The following ARHGEF3 variants were observed in gnomAD, a reference collection of about 807,000 sequenced individuals.
The protein encoded by ARHGEF3 is Rho guanine nucleotide exchange factor 3.
ARHGEF3 carries 28 observed loss-of-function variants against 63.2 expected under a neutral mutation model. The observed-to-expected ratio is 0.44, with a 90% CI of 0.33 to 0.61. ARHGEF3 has a LOEUF of 0.61. ARHGEF3 is among the 20% of genes least tolerant of loss of function. ARHGEF3 has a pLI of 0.03. For synonymous variants in ARHGEF3, 266 were observed against 254.2 expected (o/e 1.05, Z -0.44); for missense variants, 533 against 659.3 (o/e 0.81, Z 2.10).
intron 4 of ARHGEF3, among the ~76,000 whole-genome samples, chr3:56,865,429 C>T (rs1472854603): frequency 6.6e-6 from 1 of 152,140 alleles, no homozygotes; most frequent in Non-Finnish European, 1.5e-5. Flanking sequence ...TATGTGAAGG[C>T]AAAACCACAT....
chr3:56,762,658 A>G (rs1034634310), intron 2 of ARHGEF3, among the ~76,000 whole-genome samples: 6 of 152,216 alleles, frequency 3.9e-5, no homozygotes, highest in African/African-American at 9.6e-5. Flanking sequence ...GCTCCAATAA[A>G]GTATTCAAGC....
chr3:56,759,194 T>G (rs2035273686), intron 2 of ARHGEF3, among the ~76,000 whole-genome samples: 2 of 150,798 alleles, frequency 1.3e-5, no homozygotes, highest in Non-Finnish European at 3.0e-5. Flanking sequence ...TTTTTTTTTT[T>G]TGAGATGGAG....
chr3:56,887,002 A>T (rs896593227), intron 3 of ARHGEF3, among the ~76,000 whole-genome samples: 3 of 152,214 alleles, frequency 2.0e-5, no homozygotes, highest in Non-Finnish European at 4.4e-5. Context: ...ATATGGCAAG[A>T]AAATAACCTT....
chr3:57,007,025 G>T (rs182755834), intron 2 of ARHGEF3, among the ~76,000 whole-genome samples: 84 of 152,298 alleles, frequency 5.5e-4, no homozygotes, highest in Admixed American at 3.7e-3. Context: ...CACAGGGGGC[G>T]CTCCTGGGGC....
intron 1 of ARHGEF3, among the ~76,000 whole-genome samples, chr3:57,051,896 A>G (rs1458459309): frequency 6.6e-6 from 1 of 152,004 alleles, no homozygotes; most frequent in Admixed American, 6.6e-5. Context: ...CTGGGGAGAC[A>G]AGGTTGCAGT....
chr3:57,073,437 G>A (rs555089326), intron 1 of ARHGEF3: 10 of 441,702 alleles, frequency 2.3e-5, no homozygotes, highest in African/African-American at 1.2e-4. Flanking sequence ...GTGGACAAGC[G>A]TGAAAGAGCT....
At chr3:56,785,261 G>C (rs1304387165) in intron 1 of ARHGEF3, among the ~76,000 whole-genome samples, 2 of 152,114 alleles carry the variant, frequency 1.3e-5, no homozygotes, top group Non-Finnish European at 2.9e-5. Flanking sequence ...GCTCTGGCTG[G>C]ATACGGCAAA....
Position 57,013,566 on chromosome 3 carries a change from T to C in ARHGEF3, c.62+21522A>G, listed in dbSNP as rs182752721. 2.6e-3 allele frequency among the ~76,000 whole-genome samples: 391 copies of C among 152,318 alleles called. 3 individuals carry two copies. The highest frequency in any genetic ancestry group is 4.5e-3 in the Non-Finnish European group (306 of 68,018). ...AATGCACCAATCAGTTCTCCGTGGC[T>C]AGCTAATCTGGTGGGGACTTGGAGA... On this transcript the variant is annotated intron_variant, in intron 2 of 12. Transcript: ENST00000338458.
intron 2 of ARHGEF3, among the ~76,000 whole-genome samples, chr3:56,963,164 G>A (rs907403414): frequency 4.6e-5 from 7 of 151,720 alleles, no homozygotes; most frequent in Non-Finnish European, 1.0e-4. Flanking sequence ...TGTAAAGTGG[G>A]GCTAATAATC....
intron 2 of ARHGEF3, among the ~76,000 whole-genome samples, chr3:56,767,583 C>CAAAAA (rs541314948): frequency 1.3e-5 from 1 of 77,438 alleles, no homozygotes; most frequent in African/African-American, 6.3e-5. Flanking sequence ...GACTCCGTCT[C>CAAAAA]AAAAAAAAAA....
At chr3:56,835,583 A>G (rs2039082147) in intron 4 of ARHGEF3, among the ~76,000 whole-genome samples, 2 of 152,234 alleles carry the variant, frequency 1.3e-5, no homozygotes, top group South Asian at 4.1e-4. Flanking sequence ...AAATAACAGC[A>G]TTAATTCAGA....
At chr3:56,912,630 G>A (rs2041883033) in intron 3 of ARHGEF3, among the ~76,000 whole-genome samples, 1 of 152,166 alleles carries the variant, frequency 6.6e-6, no homozygotes, top group Admixed American at 6.5e-5. Context: ...TCTGAGTAAA[G>A]TGTTTAGATA....
chr3:56,931,152 T>C (rs1169225439), intron 3 of ARHGEF3, among the ~76,000 whole-genome samples: 3 of 152,304 alleles, frequency 2.0e-5, no homozygotes, highest in East Asian at 1.9e-4. Flanking sequence ...CTTGAGAAGT[T>C]TGAGAAATTG....
intron 1 of ARHGEF3, among the ~76,000 whole-genome samples, chr3:56,791,599 T>C (rs906273526): frequency 6.6e-6 from 1 of 152,170 alleles, no homozygotes; most frequent in Non-Finnish European, 1.5e-5. Flanking sequence ...TGGCTAACTT[T>C]AACGGGGTTC....
At chr3:56,730,983 A>G (rs2033111703) in intron 9 of ARHGEF3, among the ~76,000 whole-genome samples, 1 of 152,222 alleles carries the variant, frequency 6.6e-6, no homozygotes, top group South Asian at 2.1e-4. Flanking sequence ...AACTTGTAAA[A>G]TGGAGAAAAC....
chr3:57,076,301 C>T (rs532871746), intron 1 of ARHGEF3, among the ~76,000 whole-genome samples: 12 of 152,088 alleles, frequency 7.9e-5, no homozygotes, highest in African/African-American at 2.9e-4. Context: ...TGCCTCAGAC[C>T]CCCTCTGGTG....
chr3:57,047,996 G>A (rs943253091), intron 1 of ARHGEF3, among the ~76,000 whole-genome samples: 1 of 152,012 alleles, frequency 6.6e-6, no homozygotes, highest in Non-Finnish European at 1.5e-5. Flanking sequence ...GTAAAGCTCA[G>A]CCACAGTCAC....
At chr3:56,945,077 G>A (rs895995790) in intron 3 of ARHGEF3, among the ~76,000 whole-genome samples, 15 of 152,288 alleles carry the variant, frequency 9.8e-5, no homozygotes, top group Non-Finnish European at 1.9e-4. Context: ...TTCATGAAAG[G>A]AAAGAGTCAA....
At chr3:56,803,241 C>T (rs1039047027), upstream of ARHGEF3, among the ~76,000 whole-genome samples, 4 of 152,004 alleles carry the variant, frequency 2.6e-5, no homozygotes, top group Non-Finnish European at 5.9e-5. Flanking sequence ...AAGAAAAATA[C>T]AGCCTGGGCA....
Sources: gnomAD v4.1 joint callset for allele counts (sites outside exome capture counted in the v4.1 genomes callset) on GRCh38, gnomAD v4.1.1 for gene constraint, MANE v1.5 for transcripts, NCBI Gene and HGNC (gene_info 2026-07-23, HGNC 2026-07-21) for gene names.